The following COG7 variants were observed in gnomAD, a reference collection of about 807,000 sequenced individuals.
COG7 encodes conserved oligomeric Golgi complex subunit 7.
A neutral mutation model predicts 91.5 loss-of-function variants in COG7; 49 were observed. That is an observed-to-expected ratio of 0.54 (90% confidence interval 0.43 to 0.68). The LOEUF is 0.68. Among genes scored for constraint, COG7 ranks in the 30% least tolerant of loss-of-function variants. The probability of loss-of-function intolerance (pLI) is 0.00; values close to 1 mark genes in which losing one functional copy is unlikely to be tolerated. For missense variants in COG7, 895 were observed against 961.3 expected, an observed-to-expected ratio of 0.93 and a Z score of 0.91; for synonymous variants, 365 against 388.7, an observed-to-expected ratio of 0.94 and a Z score of 0.72.
At chr16:23,433,818 G>GAAAAA in intron 5 of COG7, 151 bp from the exon 6 acceptor site, 1 of 701,504 alleles carries the variant, frequency 1.4e-6, no homozygotes, top group Non-Finnish European at 2.3e-6. Flanking sequence ...AAGAAAGGCA[G>GAAAAA]GAAAAAAAAA....
chr16:23,412,630 T>TA (rs1963583495), intron 10 of COG7: 1 of 152,250 alleles, frequency 6.6e-6, no homozygotes, highest in Admixed American at 6.5e-5. Flanking sequence ...CCACACAGGC[T>TA]ATTCCAGAAT....
At chr16:23,412,132 C>T (rs1963573517) in intron 10 of COG7, among the ~76,000 whole-genome samples, 1 of 152,148 alleles carries the variant, frequency 6.6e-6, no homozygotes, top group Admixed American at 6.5e-5. Context: ...CCACCTACCT[C>T]GACCTCCCAA....
intron 16 of COG7, among the ~76,000 whole-genome samples, chr16:23,390,925 G>A (rs566486416): frequency 2.6e-5 from 4 of 152,364 alleles, no homozygotes; most frequent in East Asian, 3.9e-4. Context: ...TGCAAAGAGC[G>A]GGCCCACAGT....
intron 3 of COG7, among the ~76,000 whole-genome samples, chr16:23,444,488 G>A (rs889831149): frequency 3.3e-5 from 5 of 149,548 alleles, no homozygotes; most frequent in Admixed American, 1.3e-4. Context: ...TTCTCTGCCT[G>A]TGCTGGTTTT....
At chr16:23,436,015 C>A (rs561154139) in intron 4 of COG7, among the ~76,000 whole-genome samples, 1 of 152,124 alleles carries the variant, frequency 6.6e-6, no homozygotes, top group East Asian at 1.9e-4. Context: ...GGTGGGAGGA[C>A]TGTTTGAGCC....
intron 4 of COG7, among the ~76,000 whole-genome samples, chr16:23,439,262 C>G (rs1964061200): frequency 7.3e-6 from 1 of 136,116 alleles, no homozygotes; most frequent in South Asian, 2.5e-4. Flanking sequence ...ACAGATCATG[C>G]CACTGCACTC....
rs1964293750 is a variant in COG7 at position 23,453,082 on chromosome 16, G to A, written c.-88C>T. On this transcript the variant is annotated 5_prime_UTR_variant, in exon 1 of 17. Coordinates refer to ENST00000307149, the MANE Select transcript of COG7 (RefSeq NM_153603.4). ...TGCAGAAGCGAGCGAGCCTGCGAGA[G>A]CACCGAGGCTAGCCTCCGAGGCGAA... The A allele has an allele frequency of 1.9e-6, 3 of 1,588,538 alleles. No individual in the cohort carries two copies. The Admixed American group carries it at 5.2e-5, about 28-fold the overall frequency.
chr16:23,431,299 C>T (rs1963930628), intron 6 of COG7, among the ~76,000 whole-genome samples: 1 of 152,180 alleles, frequency 6.6e-6, no homozygotes, highest in African/African-American at 2.4e-5. Context: ...GACAGCCCAA[C>T]TATTATGCTT....
intron 4 of COG7, among the ~76,000 whole-genome samples, chr16:23,441,065 A>C (rs1284592217): frequency 3.3e-5 from 5 of 152,166 alleles, no homozygotes; most frequent in African/African-American, 9.7e-5. Context: ...CAAATAAAAC[A>C]GAAAAAAAAA....
intron 4 of COG7, among the ~76,000 whole-genome samples, chr16:23,436,934 A>G (rs1395025226): frequency 6.6e-6 from 1 of 152,120 alleles, no homozygotes; most frequent in Non-Finnish European, 1.5e-5. Flanking sequence ...GAGAATCCCA[A>G]CTAGATATCT....
At chr16:23,435,576 A>G (rs1201683963) in intron 4 of COG7, among the ~76,000 whole-genome samples, 1 of 152,208 alleles carries the variant, frequency 6.6e-6, no homozygotes, top group Non-Finnish European at 1.5e-5. Flanking sequence ...GTTTCAGTGC[A>G]GTCTCTGAAT....
At chr16:23,449,716 A>C (rs1023007725) in intron 1 of COG7, among the ~76,000 whole-genome samples, 2 of 147,458 alleles carry the variant, frequency 1.4e-5, no homozygotes, top group Non-Finnish European at 3.0e-5. Flanking sequence ...ACTCCATCGC[A>C]CTCCATCCTG....
intron 6 of COG7, among the ~76,000 whole-genome samples, chr16:23,431,762 T>C (rs556646571): frequency 3.5e-4 from 52 of 150,220 alleles, no homozygotes; most frequent in Middle Eastern, 3.5e-3. Flanking sequence ...GGAGCCAAGA[T>C]TGTGTCCCTG....
At chr16:23,407,909 C>T (rs1963489349) in intron 11 of COG7, among the ~76,000 whole-genome samples, 1 of 151,382 alleles carries the variant, frequency 6.6e-6, no homozygotes, top group South Asian at 2.1e-4. Flanking sequence ...ATCCTCCCTC[C>T]TCTGTGCACA....
chr16:23,433,460 G>A, intron 6 of COG7, 85 bp downstream of exon 6: 1 of 1,549,296 alleles, frequency 6.5e-7, no homozygotes, highest in Non-Finnish European at 8.9e-7. Flanking sequence ...GTGCTCTGCA[G>A]TTGAGGGTGG....
chr16:23,428,535 C>A (rs1209385067), intron 6 of COG7, among the ~76,000 whole-genome samples: 2 of 151,748 alleles, frequency 1.3e-5, no homozygotes, highest in African/African-American at 2.4e-5. Context: ...CAAATAAAAA[C>A]CATGATGAGA....
chr16:23,410,042 T>C (rs919803489), intron 11 of COG7, among the ~76,000 whole-genome samples: 3 of 152,232 alleles, frequency 2.0e-5, no homozygotes, highest in African/African-American at 7.2e-5. Flanking sequence ...TGTTTCCTCA[T>C]TTAGGCTGAA....
intron 11 of COG7, 43 bp from the exon 12 acceptor site, chr16:23,406,305 T>A: frequency 6.5e-7 from 1 of 1,532,752 alleles, no homozygotes; most frequent in South Asian, 1.1e-5. Context: ...GCTATTTGCA[T>A]GGAACTTTCT....
intron 6 of COG7, among the ~76,000 whole-genome samples, chr16:23,431,575 C>T (rs954655852): frequency 6.6e-6 from 1 of 151,940 alleles, no homozygotes; most frequent in South Asian, 2.1e-4. Context: ...TTTGGGAGGT[C>T]GAGGTGGGTG....
Sources: gnomAD v4.1 joint callset for allele counts (sites outside exome capture counted in the v4.1 genomes callset) on GRCh38, gnomAD v4.1.1 for gene constraint, MANE v1.5 for transcripts, NCBI Gene and HGNC (gene_info 2026-07-23, HGNC 2026-07-21) for gene names.